The following PRKACB variants were observed in gnomAD, a reference collection of about 807,000 sequenced individuals.
PRKACB encodes protein kinase cAMP-activated catalytic subunit beta.
Under a neutral mutation model 51.4 loss-of-function variants are expected in PRKACB, and 16 were observed. That is an observed-to-expected ratio of 0.31 (90% confidence interval 0.21 to 0.47). The LOEUF (loss-of-function observed/expected upper bound fraction) is 0.47. PRKACB is among the 20% of genes least tolerant of loss of function. The probability of loss-of-function intolerance (pLI) is 1.00; values close to 1 mark genes in which losing one functional copy is unlikely to be tolerated. For synonymous variants in PRKACB, 147 were observed against 154.4 expected (o/e 0.95, Z 0.35); for missense variants, 309 against 464.5 (o/e 0.67, Z 3.08).
rs572533104 is a variant in PRKACB at position 84,172,032 on chromosome 1, A to G, written c.188-7145A>G. Reference sequence around the variant, plus strand: ...GAGGGATATTTACCTAATCTTTAACAATCAGACATGATTTTTTATACTCAT... The same window carrying G: ...GAGGGATATTTACCTAATCTTTAACGATCAGACATGATTTTTTATACTCAT... On this transcript the variant is annotated intron_variant, in intron 1 of 9. Transcript: ENST00000370685. Among the ~76,000 whole-genome samples, 151 of 151,804 alleles carry G rather than the reference A, an allele frequency of 9.9e-4. 2 individuals carry two copies. Among genetic ancestry groups the G allele is most frequent in the Admixed American group, 7.2e-3 (109 of 15,188 alleles).
At chr1:84,219,768 G>T (rs75154336) in intron 9 of PRKACB, among the ~76,000 whole-genome samples, 1 of 151,458 alleles carries the variant, frequency 6.6e-6, no homozygotes, top group Non-Finnish European at 1.5e-5. Flanking sequence ...GTAATATGTG[G>T]ATTTATTTAT....
chr1:84,124,297 G>A (rs1651363139), intron 1 of PRKACB, among the ~76,000 whole-genome samples: 1 of 152,168 alleles, frequency 6.6e-6, no homozygotes, highest in African/African-American at 2.4e-5. Context: ...TGATTAACAA[G>A]TAGGAATTAG....
At position 84,214,140 on chromosome 1, in the gene PRKACB, T is replaced by C. The variant is rs142401084; in HGVS notation, c.907-13T>C. The C allele has an allele frequency of 7.5e-5, 119 of 1,588,266 alleles. 1 individual carries two copies. Among genetic ancestry groups the C allele is most frequent in the Admixed American group, 5.2e-4 (28 of 53,596 alleles). On this transcript the variant is annotated splice_polypyrimidine_tract_variant and intron_variant, in intron 8 of 9. Transcript: ENST00000370685. Reference sequence around the variant, plus strand: ...TTAGAATGTGTGTTTTACCAAATGGTGTGTTTGTGTAGGTCCGATTCCCAT... The same window carrying C: ...TTAGAATGTGTGTTTTACCAAATGGCGTGTTTGTGTAGGTCCGATTCCCAT...
chr1:84,224,871 G>A (rs1317502462), intron 9 of PRKACB, among the ~76,000 whole-genome samples: 1 of 152,210 alleles, frequency 6.6e-6, no homozygotes, highest in African/African-American at 2.4e-5. Context: ...GGCAGGGAAG[G>A]CCTGTCCCCA....
intron 3 of PRKACB, among the ~76,000 whole-genome samples, chr1:84,182,782 CA>C (rs200622990): frequency 0.43 from 65,513 of 151,486 alleles, 15,754 homozygotes; most frequent in Non-Finnish European, 0.56. Flanking sequence ...AGCACCTGGG[CA>C]TTTTGGTTTC....
chr1:84,115,483 C>T (rs983613875), intron 1 of PRKACB, among the ~76,000 whole-genome samples: 1 of 151,774 alleles, frequency 6.6e-6, no homozygotes, highest in African/African-American at 2.4e-5. Flanking sequence ...TGTCTCTTCA[C>T]CCTGTTGATT....
At chr1:84,112,103 T>C (rs1010507635) in intron 1 of PRKACB, among the ~76,000 whole-genome samples, 6 of 152,072 alleles carry the variant, frequency 3.9e-5, no homozygotes, top group Non-Finnish European at 8.8e-5. Context: ...CAAGATTAAA[T>C]GATTAGTTTT....
At chr1:84,146,190 CA>C in intron 1 of PRKACB, among the ~76,000 whole-genome samples, 1 of 151,156 alleles carries the variant, frequency 6.6e-6, no homozygotes, top group East Asian at 1.9e-4. Flanking sequence ...TTCTTGTACA[CA>C]AATAAAATTA....
chr1:84,172,858 T>C (rs1173175706), intron 1 of PRKACB, among the ~76,000 whole-genome samples: 1 of 151,626 alleles, frequency 6.6e-6, no homozygotes, highest in Admixed American at 6.6e-5. Context: ...CAAATACTCA[T>C]ATATATGTGG....
At chr1:84,125,967 C>A (rs10874430) in intron 1 of PRKACB, among the ~76,000 whole-genome samples, 71,164 of 151,088 alleles carry the variant, frequency 0.47, 17,418 homozygotes, top group Non-Finnish European at 0.56. Flanking sequence ...TCGCAGCTCT[C>A]ATCCCCTCAC....
At chr1:84,135,034 T>G (rs1043808503) in intron 1 of PRKACB, among the ~76,000 whole-genome samples, 4 of 152,188 alleles carry the variant, frequency 2.6e-5, no homozygotes, top group Non-Finnish European at 5.9e-5. Context: ...GAAACTCACT[T>G]TAAATATAAA....
chr1:84,197,037 C>G (rs1668421571), intron 6 of PRKACB, among the ~76,000 whole-genome samples: 1 of 152,142 alleles, frequency 6.6e-6, no homozygotes, highest in African/African-American at 2.4e-5. Context: ...ACTTGTTTTA[C>G]ATGTATTATT....
chr1:84,114,615 T>A (rs544069714), intron 1 of PRKACB, among the ~76,000 whole-genome samples: 24 of 152,320 alleles, frequency 1.6e-4, no homozygotes, highest in African/African-American at 4.8e-4. Flanking sequence ...AAACATTGAA[T>A]ATATTCCATT....
chr1:84,180,599 C>G (rs1663104957), intron 2 of PRKACB, among the ~76,000 whole-genome samples: 1 of 151,622 alleles, frequency 6.6e-6, no homozygotes, highest in African/African-American at 2.4e-5. Flanking sequence ...ATATTATAAC[C>G]AAAAAAATTA....
Position 84,184,056 on chromosome 1 carries a change from T to G in PRKACB, c.398T>G (p.Ile133Arg). 1 of 1,596,864 alleles carries G rather than the reference T, an allele frequency of 6.3e-7. No homozygotes were observed. The highest frequency in any genetic ancestry group is 8.5e-7 in the Non-Finnish European group (1 of 1,171,664). The change falls in exon 4 of 10, where the codon ATA (isoleucine) becomes AGA (arginine). Residue 133 changes from isoleucine (I) to arginine (R), a missense_variant. Physicochemically the swap from Ile to Arg is moderately conservative, Grantham distance 97. Coordinates refer to ENST00000370685, the MANE Select transcript of PRKACB (RefSeq NM_182948.4). ...DKQKVVKLKQ[I>R]EHTLNEKRIL... ...TTACAGGTTGTTAAACTGAAGCAAA[T>G]AGAGCATACTTTGAATGAGAAAAGA... is the stretch of plus-strand genomic sequence containing the variant.
chr1:84,119,510 A>G (rs1024415114), intron 1 of PRKACB, among the ~76,000 whole-genome samples: 2 of 152,100 alleles, frequency 1.3e-5, no homozygotes, highest in African/African-American at 4.8e-5. Context: ...ACTTAATGCT[A>G]CTGTCCTTCA....
intron 1 of PRKACB, among the ~76,000 whole-genome samples, chr1:84,130,004 TC>T (rs978853387): frequency 6.6e-6 from 1 of 151,876 alleles, no homozygotes; most frequent in Non-Finnish European, 1.5e-5. Context: ...ATGGAGACCA[TC>T]CTGGCTAACA....
At chr1:84,134,576 G>A (rs1652600796) in intron 1 of PRKACB, among the ~76,000 whole-genome samples, 1 of 151,916 alleles carries the variant, frequency 6.6e-6, no homozygotes, top group African/African-American at 2.4e-5. Flanking sequence ...CAACTAAAAA[G>A]GATTCTAAAG....
intron 6 of PRKACB, among the ~76,000 whole-genome samples, chr1:84,197,468 G>A (rs563862883): frequency 1.3e-5 from 2 of 151,934 alleles, no homozygotes; most frequent in African/African-American, 2.4e-5. Context: ...CTTGGGTCTA[G>A]GATCTTATAA....
Sources: gnomAD v4.1 joint callset for allele counts (sites outside exome capture counted in the v4.1 genomes callset) on GRCh38, gnomAD v4.1.1 for gene constraint, MANE v1.5 for transcripts, NCBI Gene and HGNC (gene_info 2026-07-23, HGNC 2026-07-21) for gene names.